Variants in CFAP54 observed in about 807,000 individuals in gnomAD.
The protein encoded by CFAP54 is cilia and flagella associated protein 54.
A neutral mutation model predicts 370.4 loss-of-function variants in CFAP54; 290 were observed. That is an observed-to-expected ratio of 0.78 (90% CI 0.71 to 0.86). The LOEUF (loss-of-function observed/expected upper bound fraction) is 0.86. Ranked by LOEUF, CFAP54 falls within the 40% of genes least tolerant of loss-of-function variation. The pLI is 0.00. For synonymous variants in CFAP54, 1,206 were observed against 1,236.5 expected, an observed-to-expected ratio of 0.98 and a Z score of 0.52; for missense variants, 3,399 against 3,528.7, an observed-to-expected ratio of 0.96 and a Z score of 0.93.
chr12:96,718,027 T>C (rs900866833), intron 48 of CFAP54, among the ~76,000 whole-genome samples: 2 of 152,184 alleles, frequency 1.3e-5, no homozygotes, highest in African/African-American at 2.4e-5. Context: ...ATTAAACTTA[T>C]GGATAGTTTT....
At chr12:96,771,018 T>C (rs1281899393) in intron 60 of CFAP54, among the ~76,000 whole-genome samples, 1 of 152,196 alleles carries the variant, frequency 6.6e-6, no homozygotes. Flanking sequence ...TTAACAGTGG[T>C]GGGTAAATAG....
chr12:96,654,371 G>C (rs1403848860), intron 36 of CFAP54, among the ~76,000 whole-genome samples: 3 of 151,398 alleles, frequency 2.0e-5, no homozygotes, highest in African/African-American at 7.3e-5. Context: ...CGTAGTGGCG[G>C]GCGCCTGTAG....
intron 55 of CFAP54, among the ~76,000 whole-genome samples, chr12:96,747,637 G>A (rs1317139649): frequency 6.6e-6 from 1 of 152,170 alleles, no homozygotes; most frequent in African/African-American, 2.4e-5. Context: ...AAACTGCAGA[G>A]CAAGCTGGTT....
At chr12:96,656,309 C>CT (rs199746185) in intron 36 of CFAP54, among the ~76,000 whole-genome samples, 5 of 151,958 alleles carry the variant, frequency 3.3e-5, no homozygotes, top group East Asian at 1.9e-4. Flanking sequence ...CTCCCCCCCC[C>CT]TCCCCTTTTG....
At chr12:96,747,240 A>G (rs1247064360) in intron 55 of CFAP54, among the ~76,000 whole-genome samples, 1 of 152,216 alleles carries the variant, frequency 6.6e-6, no homozygotes, top group East Asian at 1.9e-4. Flanking sequence ...TACAATGGAA[A>G]GGTGTTCGCA....
In CFAP54 at chr12:96,827,949, ATAAT is replaced by A. The variant is rs1959141466; in HGVS notation, c.9097-1062_9097-1059del. ...TATTATATATAGTTATATATAATAT[ATAAT>A]TATATATAATACATAGTAATATATT... On this transcript the variant is annotated intron_variant, in intron 65 of 67. Transcript: ENST00000524981. 3.8e-5 allele frequency among the ~76,000 whole-genome samples: 4 copies of A among 105,282 alleles called. No individual in the cohort carries two copies. The South Asian group carries it at 7.6e-4, about 20-fold the overall frequency. The allele number at this position is 105,282 out of a possible 152,430, so 69.1% of individuals were successfully genotyped here.
In CFAP54 at chr12:96,638,105, T is replaced by C. The variant is rs1482728865; in HGVS notation, c.4317-6073T>C. Among the ~76,000 whole-genome samples, 3 of 151,800 alleles carry C rather than the reference T, an allele frequency of 2.0e-5. No individual in the cohort carries two copies. In the East Asian group the frequency reaches 5.8e-4, roughly 29 times the overall value. On this transcript the variant is annotated intron_variant, in intron 32 of 67. Transcript: ENST00000524981. Reference sequence around the variant, plus strand: ...AATGGTAATTTAAAAACAAAGAACTTGCTGGAAGTACAGTTGGGATTGCTT... The same window carrying C: ...AATGGTAATTTAAAAACAAAGAACTCGCTGGAAGTACAGTTGGGATTGCTT...
intron 16 of CFAP54, 97 bp from the exon 17 acceptor site, chr12:96,554,579 A>G: frequency 2.4e-6 from 3 of 1,264,230 alleles, no homozygotes; most frequent in Non-Finnish European, 3.2e-6. Flanking sequence ...AATGGTTACA[A>G]ATAAGATGAT....
chr12:96,630,079 A>G lies in CFAP54; in HGVS notation c.4104-14A>G, dbSNP rs115267183. On this transcript the variant is annotated splice_polypyrimidine_tract_variant and intron_variant, in intron 30 of 67. Coordinates refer to ENST00000524981, the MANE Select transcript of CFAP54 (RefSeq NM_001306084.2). The stretch of plus-strand genomic sequence containing the variant: ...TTTGCAGGTCTTTTTGACTGACTTT[A>G]TCTTTTTTATTAGGAGAAATGAGTC... 1.6e-4 allele frequency: 211 copies of G among 1,347,978 alleles called. 2 individuals are homozygous for G. The Admixed American group carries it at 5.4e-3, about 35-fold the overall frequency. 83.5% of individuals were successfully genotyped at this position (1,347,978 alleles called of 1,614,324 possible). A position where few individuals can be genotyped will look rare whatever the true frequency, so the allele number is the denominator to read the frequency against.
In CFAP54 at chr12:96,541,287, C is replaced by CTT. The variant is rs34387826; in HGVS notation, c.2077+315_2077+316dup. 4.6e-3 allele frequency among the ~76,000 whole-genome samples: 621 copies of CTT among 135,876 alleles called. 8 individuals are homozygous for CTT. The highest frequency in any genetic ancestry group is 0.014 in the African/African-American group (531 of 36,880). 89.1% of individuals were successfully genotyped at this position (135,876 alleles called of 152,430 possible). ...TTCTTTCTTTTTTCACTTTCTCTCC[C>CTT]TTTTTTTTTTTTTTTTGAGACGGAG... On this transcript the variant is annotated intron_variant, in intron 14 of 67. Transcript: ENST00000524981.
chr12:96,779,854 G>T (rs1565975767), intron 60 of CFAP54, among the ~76,000 whole-genome samples: 1 of 151,892 alleles, frequency 6.6e-6, no homozygotes, highest in Non-Finnish European at 1.5e-5. Context: ...AGAGAGGAAA[G>T]GGCCCTCAGT....
intron 17 of CFAP54, among the ~76,000 whole-genome samples, chr12:96,562,770 T>A (rs1256308886): frequency 1.3e-5 from 2 of 152,128 alleles, no homozygotes; most frequent in African/African-American, 2.4e-5. Flanking sequence ...TTCCCCATCC[T>A]TTTATTTTTT....
intron 57 of CFAP54, 53 bp downstream of exon 57, chr12:96,756,616 T>G: frequency 8.2e-7 from 1 of 1,226,330 alleles, no homozygotes; most frequent in Non-Finnish European, 1.2e-6. Context: ...GAGCCCCGTG[T>G]TCTTGTAGTA....
Position 96,564,458 on chromosome 12 carries a change from T to G in CFAP54, c.2411-10T>G. On this transcript the variant is annotated splice_polypyrimidine_tract_variant and intron_variant, in intron 17 of 67. Coordinates refer to ENST00000524981, the MANE Select transcript of CFAP54 (RefSeq NM_001306084.2). The stretch of plus-strand genomic sequence containing the variant: ...TACTTAATTGTTATGACAGTCGTCT[T>G]CTTCTTCAGTTTTGCAGACTCCAAC... The G allele has an allele frequency of 5.8e-6, 4 of 689,240 alleles. No individual in the cohort carries two copies. Among genetic ancestry groups the G allele is most frequent in the Non-Finnish European group, 1.1e-5 (4 of 379,354 alleles). 42.7% of individuals were successfully genotyped at this position (689,240 alleles called of 1,614,324 possible). A position where few individuals can be genotyped will look rare whatever the true frequency, so the allele number is the denominator to read the frequency against.
chr12:96,551,485 A>ATATGTG (rs1322603667), intron 15 of CFAP54, among the ~76,000 whole-genome samples: 5 of 143,776 alleles, frequency 3.5e-5, no homozygotes, highest in African/African-American at 1.3e-4. Flanking sequence ...TTGAATGGGT[A>ATATGTG]TGTGTGTGTG....
intron 35 of CFAP54, among the ~76,000 whole-genome samples, chr12:96,650,570 T>A (rs1158360733): frequency 6.7e-6 from 1 of 150,150 alleles, no homozygotes; most frequent in Admixed American, 6.6e-5. Flanking sequence ...CTTTTCTTTC[T>A]TTTTCTTCTT....
chr12:96,523,671 T>G (rs1955344375), intron 8 of CFAP54, among the ~76,000 whole-genome samples: 1 of 149,216 alleles, frequency 6.7e-6, no homozygotes. Flanking sequence ...GCTATAGTCT[T>G]TGTAAAAGGA....
chr12:96,793,311 C>T (rs1253928191), intron 63 of CFAP54, among the ~76,000 whole-genome samples: 1 of 152,148 alleles, frequency 6.6e-6, no homozygotes, highest in Non-Finnish European at 1.5e-5. Context: ...TCCTGAGTTA[C>T]TTCACTTAGA....
intron 19 of CFAP54, among the ~76,000 whole-genome samples, chr12:96,570,102 A>C (rs890496043): frequency 2.0e-5 from 3 of 151,760 alleles, no homozygotes; most frequent in African/African-American, 4.9e-5. Flanking sequence ...CAGCCTCCTG[A>C]GTAGCTAGAA....
Sources: gnomAD v4.1 joint callset for allele counts (sites outside exome capture counted in the v4.1 genomes callset) on GRCh38, gnomAD v4.1.1 for gene constraint, MANE v1.5 for transcripts, NCBI Gene and HGNC (gene_info 2026-07-23, HGNC 2026-07-21) for gene names.